Variants in RBMS3 observed in about 807,000 individuals in gnomAD.
RBMS3 encodes RNA-binding motif, single-stranded-interacting protein 3.
Under a neutral mutation model 66.8 loss-of-function variants are expected in RBMS3, and 27 were observed. The observed-to-expected ratio is 0.40, with a 90% CI of 0.30 to 0.56. RBMS3 has a LOEUF of 0.56. Ranked by LOEUF, RBMS3 falls within the 20% of genes least tolerant of loss-of-function variation. The pLI, the probability that RBMS3 is intolerant of heterozygous loss-of-function variation, is 0.40. For missense variants in RBMS3, 513 were observed against 549.5 expected, an observed-to-expected ratio of 0.93 and a Z score of 0.66; for synonymous variants, 188 against 183.0, an observed-to-expected ratio of 1.03 and a Z score of -0.22.
chr3:29,361,352 A>C (rs148387106), intron 1 of RBMS3, among the ~76,000 whole-genome samples: 4,851 of 150,894 alleles, frequency 0.032, 327 homozygotes, highest in African/African-American at 0.11. Flanking sequence ...AAATTCTTTT[A>C]TTTAAGAATG....
intron 3 of RBMS3, among the ~76,000 whole-genome samples, chr3:29,497,820 G>A (rs546626232): frequency 6.6e-6 from 1 of 152,088 alleles, no homozygotes; most frequent in South Asian, 2.1e-4. Flanking sequence ...TTAGATCCCA[G>A]TGCTTTACCT....
chr3:29,737,196 C>T (rs1576656023), intron 4 of RBMS3, among the ~76,000 whole-genome samples: 1 of 152,052 alleles, frequency 6.6e-6, no homozygotes, highest in South Asian at 2.1e-4. Flanking sequence ...AGGGTGGTCT[C>T]GACCTCCTGA....
chr3:29,552,919 A>G (rs35892), intron 3 of RBMS3, among the ~76,000 whole-genome samples: 57,499 of 151,950 alleles, frequency 0.38, 11,192 homozygotes, highest in Middle Eastern at 0.52. Context: ...CAATGAAGCT[A>G]TATGACCCTG....
intron 3 of RBMS3, among the ~76,000 whole-genome samples, chr3:29,528,531 G>A (rs756689924): frequency 2.6e-4 from 39 of 152,288 alleles, no homozygotes; most frequent in Middle Eastern, 3.4e-3. Context: ...TATGTCAGAT[G>A]TTGGTCACTT....
intron 6 of RBMS3, among the ~76,000 whole-genome samples, chr3:29,801,054 A>C (rs1285397519): frequency 3.3e-5 from 5 of 151,920 alleles, no homozygotes; most frequent in Non-Finnish European, 7.4e-5. Context: ...AAAGTGGGTC[A>C]TAATAGTTGT....
At chr3:29,413,368 TCATTCATACATA>T (rs776691975) in intron 1 of RBMS3, among the ~76,000 whole-genome samples, 9 of 136,000 alleles carry the variant, frequency 6.6e-5, no homozygotes, top group South Asian at 2.3e-4. Flanking sequence ...AAACTCCATC[TCATTCATACATA>T]CATACATACA....
chr3:29,898,459 A>G (rs1387714445), intron 9 of RBMS3, among the ~76,000 whole-genome samples: 1 of 151,620 alleles, frequency 6.6e-6, no homozygotes, highest in Admixed American at 6.6e-5. Context: ...CAGTCACTAT[A>G]TACTTCATTT....
chr3:29,715,157 A>C (rs1388311397), intron 4 of RBMS3, among the ~76,000 whole-genome samples: 1 of 152,162 alleles, frequency 6.6e-6, no homozygotes, highest in Non-Finnish European at 1.5e-5. Context: ...GAATTGTAAA[A>C]TAATTTCCTC....
chr3:29,567,433 T>C (rs962178665), intron 3 of RBMS3, among the ~76,000 whole-genome samples: 2 of 152,184 alleles, frequency 1.3e-5, no homozygotes, highest in Non-Finnish European at 2.9e-5. Flanking sequence ...TTTAATGAAA[T>C]GCTTGTGATG....
At chr3:29,548,129 T>C (rs796828673) in intron 3 of RBMS3, among the ~76,000 whole-genome samples, 6 of 152,032 alleles carry the variant, frequency 3.9e-5, no homozygotes, top group African/African-American at 1.4e-4. Context: ...AAGAAATCCA[T>C]CCATAAAAAG....
chr3:29,961,989 A>G (rs995386435), intron 12 of RBMS3, among the ~76,000 whole-genome samples: 19 of 110,302 alleles, frequency 1.7e-4, no homozygotes, highest in African/African-American at 1.4e-4. Flanking sequence ...ATATATTAAT[A>G]TATATAATAT....
chr3:29,728,785 T>C (rs895670093), intron 4 of RBMS3, among the ~76,000 whole-genome samples: 4 of 150,214 alleles, frequency 2.7e-5, no homozygotes, highest in African/African-American at 5.1e-5. Flanking sequence ...TTTTAATGTA[T>C]AGCAGAATTT....
chr3:29,472,289 C>T (rs2042757272), intron 2 of RBMS3, among the ~76,000 whole-genome samples: 1 of 151,854 alleles, frequency 6.6e-6, no homozygotes, highest in African/African-American at 2.4e-5. Context: ...CCTCCACTTC[C>T]CCGGTTCAAG....
intron 12 of RBMS3, among the ~76,000 whole-genome samples, chr3:29,949,665 A>G (rs952946405): frequency 1.3e-4 from 20 of 151,794 alleles, no homozygotes; most frequent in Admixed American, 1.3e-3. Flanking sequence ...GTTGAGAAAA[A>G]CATGTATTAG....
chr3:29,548,620 C>T (rs1197142554), intron 3 of RBMS3, among the ~76,000 whole-genome samples: 4 of 151,668 alleles, frequency 2.6e-5, no homozygotes, highest in East Asian at 3.9e-4. Context: ...AAAACTGTAT[C>T]GAACCTGAAA....
intron 3 of RBMS3, among the ~76,000 whole-genome samples, chr3:29,527,821 G>A (rs541976767): frequency 1.1e-4 from 15 of 136,314 alleles, no homozygotes; most frequent in Admixed American, 1.1e-3. Flanking sequence ...AAGCCCTGGT[G>A]TGTGATGTTC....
intron 4 of RBMS3, among the ~76,000 whole-genome samples, chr3:29,688,734 C>A (rs1350229093): frequency 6.6e-6 from 1 of 151,784 alleles, no homozygotes; most frequent in African/African-American, 2.4e-5. Context: ...AAGCGGATGC[C>A]ATCACACCAA....
chr3:29,503,777 G>A (rs754849539), intron 3 of RBMS3, among the ~76,000 whole-genome samples: 6 of 152,060 alleles, frequency 3.9e-5, no homozygotes, highest in South Asian at 2.1e-4. Flanking sequence ...GCTGAAGATC[G>A]TTTGCAATAG....
chr3:29,303,938 G>A (rs767654695), intron 1 of RBMS3, among the ~76,000 whole-genome samples: 19 of 151,984 alleles, frequency 1.3e-4, no homozygotes, highest in South Asian at 8.3e-4. Flanking sequence ...ATGCAAAAGC[G>A]GAAACCCCTG....
Sources: gnomAD v4.1 joint callset for allele counts (sites outside exome capture counted in the v4.1 genomes callset) on GRCh38, gnomAD v4.1.1 for gene constraint, MANE v1.5 for transcripts, NCBI Gene and HGNC (gene_info 2026-07-23, HGNC 2026-07-21) for gene names.